The following LRRFIP1 variants were observed in gnomAD, a reference collection of about 807,000 sequenced individuals.
LRRFIP1 encodes LRR binding FLII interacting protein 1.
In LRRFIP1, 62 loss-of-function variants were observed where a neutral mutation model predicts 104.4. The ratio of observed to expected loss-of-function variants is 0.59; its 90% CI spans 0.48 to 0.73. The LOEUF is 0.73. LRRFIP1 is among the 30% of genes least tolerant of loss of function. The probability of loss-of-function intolerance (pLI) is 0.00; values close to 1 mark genes in which losing one functional copy is unlikely to be tolerated. For synonymous variants in LRRFIP1, 300 were observed against 299.0 expected (o/e 1.00, Z -0.03); for missense variants, 796 against 824.5 (o/e 0.97, Z 0.42).
chr2:237,660,416 G>A (rs1258488910), intron 1 of LRRFIP1, among the ~76,000 whole-genome samples: 1 of 152,164 alleles, frequency 6.6e-6, no homozygotes, highest in Non-Finnish European at 1.5e-5. Context: ...AGAGTCCACA[G>A]CAGCTATCTC....
intron 6 of LRRFIP1, chr2:237,721,336 G>T (rs1387896748): frequency 6.4e-6 from 1 of 155,684 alleles, no homozygotes; most frequent in Non-Finnish European, 1.4e-5. Context: ...GCTTTTCCTT[G>T]TATCAGTTAT....
At position 237,691,145 on chromosome 2, in the gene LRRFIP1, G is replaced by A. The variant is rs979543063; in HGVS notation, c.97-17399G>A. 6.6e-6 allele frequency among the ~76,000 whole-genome samples: 1 copy of A among 151,976 alleles called. No homozygotes were observed. Among genetic ancestry groups the A allele is most frequent in the Non-Finnish European group, 1.5e-5 (1 of 68,042 alleles). On this transcript the variant is annotated intron_variant, in intron 1 of 23. Transcript: ENST00000308482. The surrounding 1 kb of genome is among the most constrained non-coding windows in gnomAD (Gnocchi z 5.4). Reference sequence around the variant, plus strand: ...TGCAGAGAAAAGGGAATTGGGAATTGGAGGGCTGTAAAATGTAAATGTGCT... The same window carrying A: ...TGCAGAGAAAAGGGAATTGGGAATTAGAGGGCTGTAAAATGTAAATGTGCT...
chr2:237,732,637 G>A (rs1237368953), intron 8 of LRRFIP1, among the ~76,000 whole-genome samples: 1 of 152,194 alleles, frequency 6.6e-6, no homozygotes, highest in East Asian at 1.9e-4. Context: ...GAGACTTAAG[G>A]AAAAGGAGGG....
intron 2 of LRRFIP1, among the ~76,000 whole-genome samples, chr2:237,709,929 T>C (rs2093990955): frequency 6.6e-6 from 1 of 152,020 alleles, no homozygotes; most frequent in Non-Finnish European, 1.5e-5. Context: ...CTCTACTCAC[T>C]GCAACCTCCA....
At chr2:237,630,507 T>C (rs1036075740) in intron 1 of LRRFIP1, among the ~76,000 whole-genome samples, 1 of 152,144 alleles carries the variant, frequency 6.6e-6, no homozygotes, top group Admixed American at 6.5e-5. Context: ...GGATCTGATA[T>C]AAAAAGGGCG....
chr2:237,754,148 C>A (rs1282562289), intron 15 of LRRFIP1, among the ~76,000 whole-genome samples: 1 of 152,168 alleles, frequency 6.6e-6, no homozygotes, highest in Admixed American at 6.5e-5. Context: ...CAAGATTTTC[C>A]TATTCATATG....
chr2:237,647,855 G>GT (rs1392884489), intron 1 of LRRFIP1, among the ~76,000 whole-genome samples: 1 of 152,064 alleles, frequency 6.6e-6, no homozygotes, highest in Non-Finnish European at 1.5e-5. Context: ...TGCACGCAGG[G>GT]TTTTGCTGTC....
At chr2:237,663,424 T>G (rs766798628) in intron 1 of LRRFIP1, among the ~76,000 whole-genome samples, 9 of 50,532 alleles carry the variant, frequency 1.8e-4, no homozygotes, top group Non-Finnish European at 4.3e-4. Flanking sequence ...CCCGGGGAGT[T>G]CTTTCCCCCC....
intron 1 of LRRFIP1, 63 bp downstream of exon 1, chr2:237,627,803 G>A (rs1275914276): frequency 8.9e-6 from 9 of 1,013,790 alleles, no homozygotes; most frequent in Non-Finnish European, 1.1e-5. Context: ...ACGGCTGTCA[G>A]GGTCTCTCCG....
At chr2:237,712,709 A>G (rs941817598) in intron 2 of LRRFIP1, among the ~76,000 whole-genome samples, 2 of 152,054 alleles carry the variant, frequency 1.3e-5, no homozygotes, top group African/African-American at 4.8e-5. Flanking sequence ...ATCCAGAGGG[A>G]AGAGTGAGTC....
chr2:237,663,125 C>T (rs1412113537), intron 1 of LRRFIP1, among the ~76,000 whole-genome samples: 5 of 152,166 alleles, frequency 3.3e-5, no homozygotes, highest in Non-Finnish European at 5.9e-5. Flanking sequence ...TGAATTCTTT[C>T]CTGAGCAAGG....
At chr2:237,697,274 C>T (rs990856344) in intron 1 of LRRFIP1, among the ~76,000 whole-genome samples, 13 of 152,132 alleles carry the variant, frequency 8.5e-5, no homozygotes, top group African/African-American at 3.1e-4. Flanking sequence ...CCTCCCATCT[C>T]GGCCTCCCAA....
intron 11 of LRRFIP1, among the ~76,000 whole-genome samples, chr2:237,740,416 G>A (rs921190013): frequency 1.3e-5 from 2 of 151,564 alleles, no homozygotes; most frequent in Non-Finnish European, 2.9e-5. Flanking sequence ...CCTGCCTCTA[G>A]AAAACAAAAA....
In LRRFIP1 at chr2:237,717,019, A is replaced by ATTTT. The variant is rs571061359; in HGVS notation, c.202-734_202-731dup. On this transcript the variant is annotated intron_variant, in intron 3 of 23. Coordinates refer to ENST00000308482, the MANE Select transcript of LRRFIP1 (RefSeq NM_001137550.2). The surrounding 1 kb of genome is among the most constrained non-coding windows in gnomAD (Gnocchi z 4.2). ...AAAACATTATGAAATTTTTTTTGCA[A>ATTTT]TTTTTTTTTTTTAGCTTATCAGCTA... 5.4e-3 allele frequency among the ~76,000 whole-genome samples: 799 copies of ATTTT among 147,540 alleles called. 4 individuals are homozygous for ATTTT. Among genetic ancestry groups the ATTTT allele is most frequent in the African/African-American group, 0.018 (723 of 40,626 alleles).
rs547847305 is a variant in LRRFIP1 at position 237,697,229 on chromosome 2, G to T, written c.97-11315G>T. Among the ~76,000 whole-genome samples, 4 of 152,146 alleles carry T rather than the reference G, an allele frequency of 2.6e-5. No homozygotes were observed. In the South Asian group the frequency reaches 8.3e-4, roughly 32 times the overall value. On this transcript the variant is annotated intron_variant, in intron 1 of 23. Coordinates refer to ENST00000308482, the MANE Select transcript of LRRFIP1 (RefSeq NM_001137550.2). ...GTAGAGATGGGGTTTCACCACATTGGCCGGGGTGGTCTCAAACTCCTGACC... is the reference window on the plus strand; with the variant it reads ...GTAGAGATGGGGTTTCACCACATTGTCCGGGGTGGTCTCAAACTCCTGACC...
At chr2:237,673,132 C>T (rs1180358854) in intron 1 of LRRFIP1, among the ~76,000 whole-genome samples, 1 of 152,200 alleles carries the variant, frequency 6.6e-6, no homozygotes, top group African/African-American at 2.4e-5. Flanking sequence ...AAGGGCTGGG[C>T]CTTCTTTTAT....
intron 6 of LRRFIP1, among the ~76,000 whole-genome samples, chr2:237,722,325 A>G (rs988698752): frequency 2.6e-5 from 4 of 152,180 alleles, no homozygotes; most frequent in Non-Finnish European, 5.9e-5. Context: ...ACAATTTCAG[A>G]TGTAAGATGT....
At chr2:237,688,439 C>T (rs1225275028) in intron 1 of LRRFIP1, among the ~76,000 whole-genome samples, 2 of 84,924 alleles carry the variant, frequency 2.4e-5, no homozygotes, top group African/African-American at 1.3e-4. Flanking sequence ...CAGATGGACC[C>T]CCTTTTTTTT....
chr2:237,698,876 T>G (rs951497668), intron 1 of LRRFIP1, among the ~76,000 whole-genome samples: 2 of 152,202 alleles, frequency 1.3e-5, no homozygotes, highest in Admixed American at 6.5e-5. Context: ...TTCCTTAACT[T>G]CCTTACTAGC....
Sources: gnomAD v4.1 joint callset for allele counts (sites outside exome capture counted in the v4.1 genomes callset) on GRCh38, gnomAD v4.1.1 for gene constraint, Gnocchi (gnomAD v3.1) non-coding constraint, MANE v1.5 for transcripts, NCBI Gene and HGNC (gene_info 2026-07-23, HGNC 2026-07-21) for gene names.